The following MACF1 variants were observed in gnomAD, a reference collection of about 807,000 sequenced individuals.
MACF1 encodes microtubule actin crosslinking factor 1.
MACF1 carries 193 observed loss-of-function variants against 854.8 expected under a neutral mutation model. The ratio of observed to expected loss-of-function variants is 0.23; its 90% CI spans 0.20 to 0.25. The LOEUF is 0.25. Among genes scored for constraint, MACF1 ranks in the 10% least tolerant of loss-of-function variants. The pLI is 1.00. For synonymous variants in MACF1, 3,185 were observed against 3,226.7 expected, an observed-to-expected ratio of 0.99 and a Z score of 0.44; for missense variants, 7,722 against 8,929.1, an observed-to-expected ratio of 0.86 and a Z score of 5.45.
At chr1:39,222,836 C>T (rs1278686174) in intron 1 of MACF1, among the ~76,000 whole-genome samples, 1 of 152,094 alleles carries the variant, frequency 6.6e-6, no homozygotes, top group Non-Finnish European at 1.5e-5. Context: ...TGTCATTTTT[C>T]TGTGGCCTTT....
upstream of MACF1, among the ~76,000 whole-genome samples, chr1:39,202,142 A>G (rs1419648419): frequency 6.8e-6 from 1 of 147,166 alleles, no homozygotes; most frequent in African/African-American, 2.5e-5. Flanking sequence ...AAGTTTTTGT[A>G]ATTTTAGTAG....
intron 2 of MACF1, among the ~76,000 whole-genome samples, chr1:39,196,936 G>A (rs979877127): frequency 6.6e-6 from 1 of 152,216 alleles, no homozygotes; most frequent in Non-Finnish European, 1.5e-5. Context: ...AAATCTTAAT[G>A]AAGTTCTGAG....
intron 3 of MACF1, 28 bp from the exon 4 acceptor site, chr1:39,251,818 G>A: frequency 7.9e-7 from 1 of 1,268,426 alleles, no homozygotes; most frequent in Non-Finnish European, 1.0e-6. Context: ...TTCCTCTATT[G>A]TGTCTTTGCC....
Position 39,335,969 on chromosome 1 carries a change from C to G in MACF1, c.9381C>G (p.Ser3127=), listed in dbSNP as rs1433662902. The change falls in exon 37 of 101, where the codon TCC becomes TCG. Residue 3127 remains serine, a synonymous_variant. Coordinates refer to ENST00000564288, the MANE Select transcript of MACF1 (RefSeq NM_001394062.1). ...SDGKAQVTGP[S]QISKTDKSFQ... is the part of the protein sequence containing the mutation. ...GAAAAGCCCAAGTGACAGGCCCATC[C>G]CAAATTTCCAAAACAGACAAGTCTT... 1.2e-6 allele frequency: 2 copies of G among 1,614,074 alleles called. No homozygotes were observed. Among genetic ancestry groups the G allele is most frequent in the Admixed American group, 1.7e-5 (1 of 60,014 alleles).
At chr1:39,096,536 T>C (rs1641940907) in intron 2 of MACF1, among the ~76,000 whole-genome samples, 1 of 149,526 alleles carries the variant, frequency 6.7e-6, no homozygotes, top group South Asian at 2.1e-4. Context: ...TCGTAGTGAG[T>C]CGAGACTGCG....
chr1:39,350,642 T>C, intron 42 of MACF1, 143 bp from the exon 43 acceptor site: 1 of 562,774 alleles, frequency 1.8e-6, no homozygotes, highest in South Asian at 2.8e-5. Flanking sequence ...TTTGCATTGA[T>C]TTAAGCCTAA....
chr1:39,141,923 T>G (rs1460482657), intron 2 of MACF1, among the ~76,000 whole-genome samples: 1 of 152,190 alleles, frequency 6.6e-6, no homozygotes, highest in Non-Finnish European at 1.5e-5. Flanking sequence ...TATTATTACC[T>G]GAGAACTTGA....
chr1:39,388,227 C>G lies in MACF1; in HGVS notation c.15385C>G (p.Arg5129Gly), dbSNP rs1641876624. 1 of 1,613,996 alleles carries G rather than the reference C, an allele frequency of 6.2e-7. No individual in the cohort carries two copies. Among genetic ancestry groups the G allele is most frequent in the Admixed American group, 1.7e-5 (1 of 60,002 alleles). ...EGIGQFHCRV[R>G]EMFSQLADLD... Reference sequence around the variant, plus strand: ...GATTGGCCAGTTTCACTGCCGGGTCCGAGAGATGTTCTCTCAATTGGCAGA... The same window carrying G: ...GATTGGCCAGTTTCACTGCCGGGTCGGAGAGATGTTCTCTCAATTGGCAGA... The change falls in exon 58 of 101, where the codon CGA (arginine) becomes GGA (glycine). Residue 5129 changes from arginine to glycine, a missense_variant. Physicochemically the swap from Arg to Gly is moderately radical, Grantham distance 125. Around this residue, in one of 15 missense-constraint regions of MACF1, gnomAD observed 2,807 missense variants for 3,235.8 expected, o/e 0.87. Transcript: ENST00000564288.
chr1:39,311,990 T>G (rs987347458), intron 26 of MACF1, among the ~76,000 whole-genome samples: 8 of 152,154 alleles, frequency 5.3e-5, no homozygotes, highest in African/African-American at 1.9e-4. Flanking sequence ...GGAGGTAATA[T>G]GAGGCATATC....
chr1:39,154,195 G>C (rs1335070386), intron 2 of MACF1: 1 of 152,244 alleles, frequency 6.6e-6, no homozygotes, highest in Non-Finnish European at 1.5e-5. Context: ...AATCTGAGGA[G>C]ACACTGCCAT....
At chr1:39,170,941 C>G (rs551319144) in intron 2 of MACF1, among the ~76,000 whole-genome samples, 1 of 152,178 alleles carries the variant, frequency 6.6e-6, no homozygotes, top group Non-Finnish European at 1.5e-5. Context: ...AGACCTCTTT[C>G]CCTCACGCCA....
chr1:39,252,248 T>G (rs1045387789), intron 4 of MACF1, among the ~76,000 whole-genome samples: 15 of 152,218 alleles, frequency 9.9e-5, no homozygotes, highest in African/African-American at 2.7e-4. Flanking sequence ...GGCCTTGCTG[T>G]GTTTTCTGAG....
In MACF1 at chr1:39,247,068, A is replaced by ATTTT. The variant is rs58410726; in HGVS notation, c.172-2927_172-2924dup. On this transcript the variant is annotated intron_variant, in intron 2 of 100. Transcript: ENST00000564288. ...AGGTGCATACCACCATGCCCGGCTA[A>ATTTT]TTTTTTTTTTTTTTTTTTTTTTGAG... Among the ~76,000 whole-genome samples, 151 of 93,496 alleles carry ATTTT rather than the reference A, an allele frequency of 1.6e-3. 3 individuals are homozygous for ATTTT. The highest frequency in any genetic ancestry group is 0.013 in the Middle Eastern group (2 of 154). The allele number at this position is 93,496 out of a possible 152,430, so 61.3% of individuals were successfully genotyped here.
In MACF1 at chr1:39,295,804, C is replaced by T; in HGVS notation, c.2277C>T (p.Val759=). Residue 759 remains valine, a synonymous_variant, in exon 20 of 101, where the codon GTC becomes GTT. Coordinates refer to ENST00000564288, the MANE Select transcript of MACF1 (RefSeq NM_001394062.1). ...KQTVEAYSAA[V]QSQLQWMKQL... ...TATTGCAGGCTTACAGTGCTGCTGT[C>T]CAGTCCCAGTTGCAGTGGATGAAGC... The T allele has an allele frequency of 6.2e-7, 1 of 1,613,910 alleles. No homozygotes were observed. The highest frequency in any genetic ancestry group is 2.2e-5 in the East Asian group (1 of 44,880).
intron 23 of MACF1, among the ~76,000 whole-genome samples, chr1:39,309,287 G>A (rs1175416854): frequency 6.7e-6 from 1 of 149,422 alleles, no homozygotes; most frequent in Non-Finnish European, 1.5e-5. Flanking sequence ...AAATAGAGAT[G>A]AGGTCTCACT....
chr1:39,225,244 C>T (rs1199244899), intron 1 of MACF1, among the ~76,000 whole-genome samples: 4 of 108,482 alleles, frequency 3.7e-5, no homozygotes, highest in African/African-American at 1.4e-4. Flanking sequence ...GAGTCTCGCT[C>T]TGTCGCCCAG....
chr1:39,476,812 C>T (rs1644893314), intron 97 of MACF1, among the ~76,000 whole-genome samples: 1 of 151,066 alleles, frequency 6.6e-6, no homozygotes, highest in African/African-American at 2.4e-5. Flanking sequence ...TATATACAAG[C>T]TGGGCATGGT....
intron 95 of MACF1, chr1:39,468,265 A>G: frequency 5.4e-6 from 1 of 184,148 alleles, no homozygotes. Context: ...GCACACGCCT[A>G]ATAAACCCAG....
Position 39,450,955 on chromosome 1 carries a change from A to G in MACF1, c.20259-97A>G, listed in dbSNP as rs955718844. On this transcript the variant is annotated intron_variant, in intron 84 of 100. Transcript: ENST00000564288. ...TTCTAACATAGAAGTCACTCTCTAT[A>G]TAGGGTTCAAGCAATATTCCCTTTC... The G allele has an allele frequency of 5.2e-6, 7 of 1,350,130 alleles. No individual in the cohort carries two copies. The South Asian group carries it at 5.3e-5, about 10-fold the overall frequency. 83.6% of individuals were successfully genotyped at this position (1,350,130 alleles called of 1,614,324 possible). A position where few individuals can be genotyped will look rare whatever the true frequency, so the allele number is the denominator to read the frequency against.
Sources: gnomAD v4.1 joint callset for allele counts (sites outside exome capture counted in the v4.1 genomes callset) on GRCh38, gnomAD v4.1.1 for gene constraint, gnomAD v4.1.1 regional missense constraint, MANE v1.5 for transcripts, NCBI Gene and HGNC (gene_info 2026-07-23, HGNC 2026-07-21) for gene names.